STX8: variants seen among roughly 807,000 people sequenced by gnomAD.
The protein encoded by STX8 is syntaxin-8.
In STX8, 23 loss-of-function variants were observed where a neutral mutation model predicts 37.5. The observed-to-expected ratio is 0.61, with a 90% CI of 0.44 to 0.87. STX8 has a LOEUF of 0.87. Among genes scored for constraint, STX8 ranks in the 40% least tolerant of loss-of-function variants. The pLI is 0.00. For synonymous variants in STX8, 115 were observed against 99.1 expected (o/e 1.16, Z -0.95); for missense variants, 313 against 284.7 (o/e 1.10, Z -0.71).
chr17:9,482,269 A>T (rs553681797), intron 6 of STX8, among the ~76,000 whole-genome samples: 2 of 152,160 alleles, frequency 1.3e-5, no homozygotes, highest in African/African-American at 4.8e-5. Context: ...TGCCTCGTTC[A>T]TATTTCATCT....
intron 6 of STX8, among the ~76,000 whole-genome samples, chr17:9,398,005 G>C (rs77858474): frequency 2.2e-5 from 3 of 137,948 alleles, no homozygotes; most frequent in African/African-American, 8.1e-5. Context: ...AAAAAAGAAA[G>C]AAAGAACAAA....
chr17:9,369,333 C>G (rs1466583706), intron 7 of STX8, among the ~76,000 whole-genome samples: 1 of 152,152 alleles, frequency 6.6e-6, no homozygotes, highest in Non-Finnish European at 1.5e-5. Flanking sequence ...AGAGATTTAA[C>G]TAGCTTACCT....
chr17:9,524,221 C>T (rs775412868), intron 4 of STX8, among the ~76,000 whole-genome samples: 13 of 152,232 alleles, frequency 8.5e-5, no homozygotes, highest in Non-Finnish European at 1.8e-4. Flanking sequence ...TTTCTACCCA[C>T]TTGCGGTATC....
chr17:9,299,799 G>C (rs545520595), intron 7 of STX8, among the ~76,000 whole-genome samples: 79 of 152,286 alleles, frequency 5.2e-4, no homozygotes, highest in African/African-American at 1.9e-3. Context: ...CAGTGAAGTA[G>C]AGTTACCGCT....
intron 7 of STX8, among the ~76,000 whole-genome samples, chr17:9,333,528 T>C (rs59932053): frequency 0.016 from 2,499 of 151,944 alleles, 62 homozygotes; most frequent in African/African-American, 0.053. Flanking sequence ...GCTGGGACTA[T>C]AGGCGCCCGC....
chr17:9,524,161 C>T (rs1022458194), intron 4 of STX8, among the ~76,000 whole-genome samples: 20 of 152,122 alleles, frequency 1.3e-4, no homozygotes, highest in African/African-American at 4.8e-4. Context: ...TCTAAAAAGA[C>T]AGGATTCAAG....
At chr17:9,519,718 C>T (rs894258063) in intron 4 of STX8, among the ~76,000 whole-genome samples, 4 of 149,104 alleles carry the variant, frequency 2.7e-5, no homozygotes, top group Admixed American at 6.8e-5. Flanking sequence ...CACCCTACTT[C>T]GGCCCTCCAG....
chr17:9,525,252 G>A (rs1418706781), intron 4 of STX8, among the ~76,000 whole-genome samples: 4 of 152,088 alleles, frequency 2.6e-5, no homozygotes, highest in African/African-American at 9.7e-5. Flanking sequence ...GAAAAAGCAG[G>A]ATTCAAGAAA....
At chr17:9,386,874 C>G (rs1257407236) in intron 6 of STX8, among the ~76,000 whole-genome samples, 2 of 151,778 alleles carry the variant, frequency 1.3e-5, no homozygotes, top group Admixed American at 6.6e-5. Flanking sequence ...TTCTTTTTTC[C>G]TCTTCTTTTT....
intron 7 of STX8, among the ~76,000 whole-genome samples, chr17:9,310,422 A>C (rs991718600): frequency 1.3e-5 from 2 of 152,188 alleles, no homozygotes; most frequent in African/African-American, 4.8e-5. Context: ...TCTTCCTTAT[A>C]AATAGACTAT....
intron 5 of STX8, among the ~76,000 whole-genome samples, chr17:9,504,799 C>G (rs914051550): frequency 6.6e-6 from 1 of 151,538 alleles, no homozygotes; most frequent in African/African-American, 2.4e-5. Flanking sequence ...AGGGTGAAAC[C>G]CTGTCTGTAC....
intron 3 of STX8, among the ~76,000 whole-genome samples, chr17:9,556,147 C>T (rs562740542): frequency 6.6e-6 from 1 of 152,214 alleles, no homozygotes; most frequent in African/African-American, 2.4e-5. Flanking sequence ...GCAACTAAGC[C>T]AACTTTCCTG....
chr17:9,368,923 T>C (rs74374014), intron 7 of STX8, among the ~76,000 whole-genome samples: 4 of 60,414 alleles, frequency 6.6e-5, no homozygotes, highest in African/African-American at 4.6e-4. Context: ...CCTTTTACCC[T>C]TTTTTTTTTT....
intron 3 of STX8, among the ~76,000 whole-genome samples, chr17:9,551,174 G>A (rs1327029714): frequency 2.0e-5 from 3 of 152,188 alleles, no homozygotes; most frequent in Non-Finnish European, 4.4e-5. Context: ...CAAAAAAGAA[G>A]AACTGCAAGG....
intron 7 of STX8, among the ~76,000 whole-genome samples, chr17:9,311,996 C>T (rs934764429): frequency 3.0e-4 from 46 of 151,342 alleles, no homozygotes; most frequent in Non-Finnish European, 6.0e-4. Flanking sequence ...TACAGGTGCC[C>T]GCCATTATGC....
chr17:9,346,168 G>A (rs1420592282), intron 7 of STX8, among the ~76,000 whole-genome samples: 1 of 152,060 alleles, frequency 6.6e-6, no homozygotes, highest in Non-Finnish European at 1.5e-5. Context: ...TGACTATTAA[G>A]ACCAGGAAGA....
chr17:9,293,932 T>TG (rs1908417657), intron 7 of STX8, among the ~76,000 whole-genome samples: 1 of 151,722 alleles, frequency 6.6e-6, no homozygotes, highest in Admixed American at 6.6e-5. Context: ...TGGCTAATTT[T>TG]TTTTTTGTAT....
chr17:9,545,764 A>G (rs1906482226), intron 3 of STX8, among the ~76,000 whole-genome samples: 2 of 152,190 alleles, frequency 1.3e-5, no homozygotes, highest in South Asian at 4.1e-4. Context: ...TATTTTTATT[A>G]GAGACGGGTT....
chr17:9,546,591 G>GATTTTTTTTTTTTTTTTT (rs1906529506), intron 3 of STX8, among the ~76,000 whole-genome samples: 3 of 52,208 alleles, frequency 5.7e-5, no homozygotes, highest in Admixed American at 3.1e-4. Flanking sequence ...TACAAAAGTG[G>GATTTTTTTTTTTTTTTTT]TTTTTTTTTT....
Sources: allele counts gnomAD v4.1 joint callset (sites outside exome capture counted in the v4.1 genomes callset), GRCh38; gene constraint gnomAD v4.1.1; transcripts MANE v1.5; gene names NCBI Gene and HGNC (gene_info 2026-07-23, HGNC 2026-07-21).